Variants in CTSB observed in about 807,000 individuals in gnomAD.
CTSB encodes APP secretase.
A neutral mutation model predicts 44.3 loss-of-function variants in CTSB; 57 were observed. The observed-to-expected ratio is 1.29, with a 90% CI of 1.04 to 1.60. CTSB has a LOEUF of 1.60. Ranked by LOEUF, CTSB falls within the 40% of genes most tolerant of loss-of-function variation. CTSB has a pLI of 0.00. For synonymous variants in CTSB, 320 were observed against 168.0 expected (o/e 1.91, Z -7.00); for missense variants, 768 against 443.0 (o/e 1.73, Z -6.59).
chr8:11,847,827 TG>T lies in CTSB; in HGVS notation c.533-6del. ...GGATGGAGTACGGTCTGCACCCTGATGGGACGCGGGAGAAAGCGGAGTCAAC... is the reference window on the plus strand; with the variant it reads ...GGATGGAGTACGGTCTGCACCCTGATGGACGCGGGAGAAAGCGGAGTCAAC... On this transcript the variant is annotated splice_region_variant and splice_polypyrimidine_tract_variant and intron_variant, in intron 6 of 9. Coordinates refer to ENST00000353047, the MANE Select transcript of CTSB (RefSeq NM_001908.5). The T allele has an allele frequency of 6.3e-7, 1 of 1,588,782 alleles. No homozygotes were observed. Among genetic ancestry groups the T allele is most frequent in the Non-Finnish European group, 8.5e-7 (1 of 1,172,678 alleles).
rs371200657 is a variant in CTSB at position 11,847,697 on chromosome 8, T to C, written c.658A>G (p.Lys220Glu). Residue 220 changes from lysine (K) to glutamate (E), a missense_variant, in exon 7 of 10, where the codon AAA becomes GAA. Coordinates refer to ENST00000353047, the MANE Select transcript of CTSB (RefSeq NM_001908.5). ...CCCTTACCGTAGTGCTTGTCCTGTTTGTAGGTCGGGCTGTAGCCAGGCTCA... is the reference window on the plus strand; with the variant it reads ...CCCTTACCGTAGTGCTTGTCCTGTTCGTAGGTCGGGCTGTAGCCAGGCTCA... ...ICEPGYSPTYKQDKHYGYNSY... is the reference protein window; with the variant it reads ...ICEPGYSPTYEQDKHYGYNSY... 5.5e-5 allele frequency: 86 copies of C among 1,575,236 alleles called. 1 individual carries two copies. The Middle Eastern group carries it at 1.5e-3, about 28-fold the overall frequency.
intron 1 of CTSB, among the ~76,000 whole-genome samples, chr8:11,861,725 C>T (rs559772454): frequency 5.3e-5 from 8 of 152,340 alleles, no homozygotes; most frequent in Admixed American, 1.3e-4. Context: ...ACGTCTGCAT[C>T]GGATACCAAA....
At position 11,848,149 on chromosome 8, in the gene CTSB, A is replaced by T; in HGVS notation, c.450T>A (p.Cys150Ter). ...TCCGSMCGDGCNGGYPAEAWN... is the reference protein window; with the variant it reads ...TCCGSMCGDG Reference sequence around the variant, plus strand: ...AAGCTTCAGCAGGATAGCCACCATTACAGCTGAAAAGACAGCCTCTAATGA... The same window carrying T: ...AAGCTTCAGCAGGATAGCCACCATTTCAGCTGAAAAGACAGCCTCTAATGA... The change falls in exon 6 of 10, where the codon TGT (cysteine) becomes TGA (stop). Residue 150 changes from cysteine (C) to a stop codon, truncating the protein, a stop_gained. Transcript: ENST00000353047. LOFTEE classifies it high-confidence loss of function. 2 of 1,613,942 alleles carry T rather than the reference A, an allele frequency of 1.2e-6. No homozygotes were observed. The highest frequency in any genetic ancestry group is 1.7e-6 in the Non-Finnish European group (2 of 1,179,786).
rs368484709 is a variant in CTSB, at chr8:11,864,090, C to G, written c.-26+3911G>C. Among the ~76,000 whole-genome samples the G allele has an allele frequency of 3.9e-5, 6 of 152,216 alleles. No individual in the cohort carries two copies. The South Asian group carries it at 1.2e-3, about 32-fold the overall frequency. On this transcript the variant is annotated intron_variant, in intron 1 of 9. Transcript: ENST00000353047. Reference sequence around the variant, plus strand: ...GATGTAGCAACAGAAATAAATCTCACAACCGTGAGTGAAAAAGGATCCATG... The same window carrying G: ...GATGTAGCAACAGAAATAAATCTCAGAACCGTGAGTGAAAAAGGATCCATG...
rs1200478466 is a variant in CTSB at position 11,845,555 on chromosome 8, G to A, written c.922+106C>T. On this transcript the variant is annotated intron_variant, in intron 9 of 9. Coordinates refer to ENST00000353047, the MANE Select transcript of CTSB (RefSeq NM_001908.5). ...GGAGGAGCTCACAGCCTGGCCGTAG[G>A]TCCAGGGTTTAAGGCTGTGCGGTGG... The A allele has an allele frequency of 3.6e-6, 5 of 1,391,224 alleles. No homozygotes were observed. The Admixed American group carries it at 6.7e-5, about 19-fold the overall frequency. The allele number at this position is 1,391,224 out of a possible 1,614,324, so 86.2% of individuals were successfully genotyped here. A position where few individuals can be genotyped will look rare whatever the true frequency, so the allele number is the denominator to read the frequency against.
rs148144238 is a variant in CTSB at position 11,860,663 on chromosome 8, G to A, written c.-25-7184C>T. On this transcript the variant is annotated intron_variant, in intron 1 of 9. Coordinates refer to ENST00000353047, the MANE Select transcript of CTSB (RefSeq NM_001908.5). Reference sequence around the variant, plus strand: ...AAAACAAAACAAAAACAAAAGTCAAGTGCTTACATTTTGCCAGAAGCCACA... The same window carrying A: ...AAAACAAAACAAAAACAAAAGTCAAATGCTTACATTTTGCCAGAAGCCACA... 2.3e-3 allele frequency among the ~76,000 whole-genome samples: 346 copies of A among 152,160 alleles called. 5 individuals are homozygous for A. The East Asian group carries it at 0.027, about 12-fold the overall frequency.
intron 1 of CTSB, among the ~76,000 whole-genome samples, chr8:11,859,969 A>G (rs546944464): frequency 4.8e-5 from 7 of 146,864 alleles, no homozygotes; most frequent in Non-Finnish European, 1.1e-4. Context: ...CTACTCAGGA[A>G]GCTGAGGCAG....
intron 1 of CTSB, among the ~76,000 whole-genome samples, chr8:11,863,595 G>A (rs1038802110): frequency 6.6e-6 from 1 of 152,174 alleles, no homozygotes; most frequent in African/African-American, 2.4e-5. Flanking sequence ...AGACCTTGGC[G>A]ATGACCTTGA....
Position 11,847,256 on chromosome 8 carries a change from G to A in CTSB, c.677-88C>T, listed in dbSNP as rs1336968371. On this transcript the variant is annotated intron_variant, in intron 7 of 9. Coordinates refer to ENST00000353047, the MANE Select transcript of CTSB (RefSeq NM_001908.5). ...GTCAGCCAGTCACTGATTTCTGGTG[G>A]CCTCCAGGGGAAGACTGCATCTAAG... is the stretch of plus-strand genomic sequence containing the variant. 8 of 840,454 alleles carry A rather than the reference G, an allele frequency of 9.5e-6. No homozygotes were observed. The African/African-American group carries it at 1.0e-4, about 11-fold the overall frequency. The allele number at this position is 840,454 out of a possible 1,614,324, so 52.1% of individuals were successfully genotyped here. A position where few individuals can be genotyped will look rare whatever the true frequency, so the allele number is the denominator to read the frequency against.
Position 11,845,671 on chromosome 8 carries a change from CCAGT to C in CTSB, c.908_911del (p.Asp303GlyfsTer59). 4 of 1,613,234 alleles carry C rather than the reference CCAGT, an allele frequency of 2.5e-6. No individual in the cohort carries two copies. Among genetic ancestry groups the C allele is most frequent in the Non-Finnish European group, 3.4e-6 (4 of 1,179,338 alleles). The stretch of plus-strand genomic sequence containing the variant: ...GGGGCAGCCACTCACCATTGTCACC[CCAGT>C]CAGTGTTCCAGGAGTTGGCAACCAG... On this transcript the variant is annotated frameshift_variant, in exon 9 of 10. Coordinates refer to ENST00000353047, the MANE Select transcript of CTSB (RefSeq NM_001908.5). LOFTEE classifies it high-confidence loss of function.
intron 1 of CTSB, among the ~76,000 whole-genome samples, chr8:11,862,073 G>A (rs1816502888): frequency 6.6e-6 from 1 of 152,170 alleles, no homozygotes; most frequent in Non-Finnish European, 1.5e-5. Context: ...CAGGCATGGT[G>A]GCAGGCGCCT....
At chr8:11,853,191 T>C in intron 2 of CTSB, 138 bp downstream of exon 2, 3 of 1,219,110 alleles carry the variant, frequency 2.5e-6, no homozygotes, top group South Asian at 1.4e-5. Flanking sequence ...CCGACATGAC[T>C]CAGGGTCAGG....
intron 2 of CTSB, 45 bp downstream of exon 2, chr8:11,853,284 C>G (rs1005550718): frequency 1.2e-6 from 2 of 1,605,966 alleles, no homozygotes; most frequent in Non-Finnish European, 1.7e-6. Context: ...TGTGCACAGA[C>G]CGACCTGGGA....
At chr8:11,860,931 A>G (rs1351241763) in intron 1 of CTSB, among the ~76,000 whole-genome samples, 2 of 152,218 alleles carry the variant, frequency 1.3e-5, no homozygotes, top group South Asian at 2.1e-4. Flanking sequence ...AACCTGCCAG[A>G]CACACCTCAA....
intron 1 of CTSB, chr8:11,861,361 C>G (rs1816387172): frequency 2.6e-5 from 4 of 152,516 alleles, no homozygotes; most frequent in Admixed American, 2.0e-4. Flanking sequence ...CCTCCCTCAC[C>G]TGAACCAGGT....
In CTSB at chr8:11,849,150, C is replaced by T. The variant is rs1271033185; in HGVS notation, c.342G>A (p.Val114=). The T allele has an allele frequency of 6.2e-7, 1 of 1,612,396 alleles. No individual in the cohort carries two copies. Among genetic ancestry groups the T allele is most frequent in the East Asian group, 2.2e-5 (1 of 44,872 alleles). ...SCGSCWAFGA[V]EAISDRICIH... Reference sequence around the variant, plus strand: ...TGCAGATCCGGTCAGAGATGGCTTCCACAGCCCCGAAGGCCTGCAGGAACG... The same window carrying T: ...TGCAGATCCGGTCAGAGATGGCTTCTACAGCCCCGAAGGCCTGCAGGAACG... The change falls in exon 5 of 10, where the codon GTG becomes GTA. Residue 114 remains valine, a synonymous_variant. Coordinates refer to ENST00000353047, the MANE Select transcript of CTSB (RefSeq NM_001908.5).
chr8:11,854,444 T>C (rs1429695846), intron 1 of CTSB, among the ~76,000 whole-genome samples: 2 of 151,846 alleles, frequency 1.3e-5, no homozygotes, highest in Non-Finnish European at 2.9e-5. Context: ...ACAATTCATC[T>C]AGGAGAATAA....
intron 8 of CTSB, chr8:11,846,085 C>T (rs1030456054): frequency 1.4e-5 from 3 of 220,268 alleles, no homozygotes; most frequent in African/African-American, 2.3e-5. Context: ...ACATTTAATG[C>T]TAGATGACTG....
chr8:11,847,777 CCGT>C lies in CTSB; in HGVS notation c.575_577del (p.Asn192_Gly193delinsSer), dbSNP rs747439884. The C allele has an allele frequency of 6.3e-7, 1 of 1,599,334 alleles. No homozygotes were observed. The highest frequency in any genetic ancestry group is 1.8e-5 in the Admixed American group (1 of 54,484). Reference sequence around the variant, plus strand: ...CTCCCCCGTGCATGGGGGCCGGGAGCCGTTGACGTGGTGCTCACAGGGAGGGAT... The same window carrying C: ...CTCCCCCGTGCATGGGGGCCGGGAGCTGACGTGGTGCTCACAGGGAGGGAT... On this transcript the variant is annotated inframe_deletion, in exon 7 of 10. Transcript: ENST00000353047.
Sources: allele counts gnomAD v4.1 joint callset (sites outside exome capture counted in the v4.1 genomes callset), GRCh38; gene constraint gnomAD v4.1.1; transcripts MANE v1.5; gene names NCBI Gene and HGNC (gene_info 2026-07-23, HGNC 2026-07-21).